The following AKT3 variants were observed in gnomAD, a reference collection of about 807,000 sequenced individuals.
The protein encoded by AKT3 is RAC-gamma serine/threonine-protein kinase.
Under a neutral mutation model 65.3 loss-of-function variants are expected in AKT3, and 15 were observed. That is an observed-to-expected ratio of 0.23 (90% CI 0.15 to 0.35). The LOEUF is 0.35. Among genes scored for constraint, AKT3 ranks in the 10% least tolerant of loss-of-function variants. The pLI is 1.00. For missense variants in AKT3, 243 were observed against 576.5 expected (o/e 0.42, Z 5.92); for synonymous variants, 206 against 183.8 (o/e 1.12, Z -0.98).
At chr1:243,707,426 G>T (rs1447660458) in intron 2 of AKT3, among the ~76,000 whole-genome samples, 2 of 152,048 alleles carry the variant, frequency 1.3e-5, no homozygotes, top group Non-Finnish European at 2.9e-5. Flanking sequence ...AATCTCTAGT[G>T]AAAGACTGAC....
chr1:243,811,240 A>G (rs1007634646), intron 2 of AKT3, among the ~76,000 whole-genome samples: 55 of 152,086 alleles, frequency 3.6e-4, no homozygotes, highest in African/African-American at 7.0e-4. Context: ...AATTGTCCCT[A>G]TTTGCAGATG....
At chr1:243,556,697 A>G (rs1558612825) in intron 10 of AKT3, among the ~76,000 whole-genome samples, 1 of 152,164 alleles carries the variant, frequency 6.6e-6, no homozygotes. Flanking sequence ...TGGTAGCCTT[A>G]CATTTCAGGT....
intron 2 of AKT3, among the ~76,000 whole-genome samples, chr1:243,752,897 C>G (rs915236801): frequency 6.6e-6 from 1 of 152,142 alleles, no homozygotes; most frequent in East Asian, 1.9e-4. Flanking sequence ...GTTTTCATCC[C>G]TTTTCCCAGG....
chr1:243,524,365 C>T (rs1167194007), intron 12 of AKT3, among the ~76,000 whole-genome samples: 2 of 152,220 alleles, frequency 1.3e-5, no homozygotes, highest in Admixed American at 6.5e-5. Context: ...TACCAGGCAC[C>T]AGCCTCTGCT....
chr1:243,841,961 C>T (rs1695265952), intron 2 of AKT3, among the ~76,000 whole-genome samples: 1 of 152,002 alleles, frequency 6.6e-6, no homozygotes, highest in African/African-American at 2.4e-5. Flanking sequence ...TCTAGAAAAG[C>T]AAAATTATAG....
chr1:243,561,412 G>A (rs888486854), intron 10 of AKT3, among the ~76,000 whole-genome samples: 29 of 152,222 alleles, frequency 1.9e-4, no homozygotes, highest in Admixed American at 1.8e-3. Flanking sequence ...CAGGACGTAT[G>A]TAGTTTAAAA....
chr1:243,518,450 C>A (rs1418818709), intron 12 of AKT3, among the ~76,000 whole-genome samples: 4 of 152,078 alleles, frequency 2.6e-5, no homozygotes, highest in South Asian at 2.1e-4. Context: ...CATGGTGAAA[C>A]CCCATCTCTA....
chr1:243,527,870 AACACACACACACACACACAC>A lies in AKT3; in HGVS notation c.1252-15464_1252-15445del, dbSNP rs56956606. ...ATTACAGCAAGACTCCATCTCTTAAAACACACACACACACACACACACACACACACACACACACACACACA... is the reference window on the plus strand; with the variant it reads ...ATTACAGCAAGACTCCATCTCTTAAAACACACACACACACACACACACACA... On this transcript the variant is annotated intron_variant, in intron 12 of 13. Transcript: ENST00000673466. Among the ~76,000 whole-genome samples the A allele has an allele frequency of 2.1e-3, 208 of 99,256 alleles. 12 individuals carry two copies. Among genetic ancestry groups the A allele is most frequent in the Middle Eastern group, 0.011 (2 of 184 alleles). The allele number at this position is 99,256 out of a possible 152,430, so 65.1% of individuals were successfully genotyped here.
At chr1:243,557,137 T>C (rs1318410883) in intron 10 of AKT3, among the ~76,000 whole-genome samples, 1 of 152,112 alleles carries the variant, frequency 6.6e-6, no homozygotes, top group Non-Finnish European at 1.5e-5. Context: ...GCTAAATGGA[T>C]ACAATAATGA....
In AKT3 at chr1:243,843,289, G is replaced by C; in HGVS notation, c.-112-7C>G. 2 of 1,410,848 alleles carry C rather than the reference G, an allele frequency of 1.4e-6. No individual in the cohort carries two copies. The highest frequency in any genetic ancestry group is 1.9e-6 in the Non-Finnish European group (2 of 1,074,476). The allele number at this position is 1,410,848 out of a possible 1,614,324, so 87.4% of individuals were successfully genotyped here. A position where few individuals can be genotyped will look rare whatever the true frequency, so the allele number is the denominator to read the frequency against. ...TCTCTAGTGATGACTCAGCCTGGAA[G>C]GAAGTATTGAAGAAAGAATTTTTTT... is the stretch of plus-strand genomic sequence containing the variant. On this transcript the variant is annotated splice_polypyrimidine_tract_variant and splice_region_variant and intron_variant, in intron 1 of 13. Transcript: ENST00000673466.
At chr1:243,808,297 A>G (rs1202773434) in intron 2 of AKT3, 2 of 152,146 alleles carry the variant, frequency 1.3e-5, no homozygotes, top group Non-Finnish European at 2.9e-5. Context: ...GATTAGATGA[A>G]TGGCTAACTA....
At chr1:243,521,019 C>T (rs1670686945) in intron 12 of AKT3, among the ~76,000 whole-genome samples, 1 of 152,160 alleles carries the variant, frequency 6.6e-6, no homozygotes, top group Non-Finnish European at 1.5e-5. Flanking sequence ...ACCAAGGTCT[C>T]TGAAGGTAAG....
chr1:243,539,301 G>C (rs1313789613), intron 12 of AKT3, among the ~76,000 whole-genome samples: 1 of 152,082 alleles, frequency 6.6e-6, no homozygotes, highest in Non-Finnish European at 1.5e-5. Context: ...TTCATGAATA[G>C]TAAATATATT....
At position 243,722,148 on chromosome 1, in the gene AKT3, A is replaced by T. The variant is rs1572228801; in HGVS notation, c.47-26432T>A. On this transcript the variant is annotated intron_variant, in intron 2 of 13. Coordinates refer to ENST00000673466, the MANE Select transcript of AKT3 (RefSeq NM_005465.7). ...GTGTTACGTTATTCTCACGAACAAA[A>T]GTTTAACATTAAGAACAATTCATAT... 4.6e-5 allele frequency among the ~76,000 whole-genome samples: 7 copies of T among 152,292 alleles called. 1 individual carries two copies. The highest frequency in any genetic ancestry group is 4.6e-4 in the Admixed American group (7 of 15,302).
chr1:243,750,631 G>C (rs1050679000), intron 2 of AKT3, among the ~76,000 whole-genome samples: 7 of 150,916 alleles, frequency 4.6e-5, no homozygotes, highest in Non-Finnish European at 1.0e-4. Context: ...GCCCAGGCTG[G>C]AGTGCAGTGG....
chr1:243,659,664 T>C (rs1682124078), intron 4 of AKT3, among the ~76,000 whole-genome samples: 1 of 152,070 alleles, frequency 6.6e-6, no homozygotes, highest in South Asian at 2.1e-4. Flanking sequence ...TAAATGGAGA[T>C]GAGATGATGG....
At chr1:243,724,056 A>T (rs939423412) in intron 2 of AKT3, among the ~76,000 whole-genome samples, 1 of 152,174 alleles carries the variant, frequency 6.6e-6, no homozygotes, top group Non-Finnish European at 1.5e-5. Flanking sequence ...AGAAACAACA[A>T]ATTTCATTTT....
intron 2 of AKT3, among the ~76,000 whole-genome samples, chr1:243,775,865 T>C (rs1157101527): frequency 2.6e-5 from 4 of 152,046 alleles, no homozygotes; most frequent in African/African-American, 2.4e-5. Context: ...AAAAACCCGA[T>C]CTATCAATTA....
At chr1:243,509,812 G>A (rs774242170) in intron 13 of AKT3, among the ~76,000 whole-genome samples, 13 of 152,180 alleles carry the variant, frequency 8.5e-5, no homozygotes, top group South Asian at 2.1e-4. Context: ...TCAGGCACAC[G>A]GGAGGACAAA....
Sources: allele counts gnomAD v4.1 joint callset (sites outside exome capture counted in the v4.1 genomes callset), GRCh38; gene constraint gnomAD v4.1.1; transcripts MANE v1.5; gene names NCBI Gene and HGNC (gene_info 2026-07-23, HGNC 2026-07-21).